Variants in SNX29 observed in about 807,000 individuals in gnomAD.
SNX29 encodes sorting nexin-29.
A neutral mutation model predicts 102.1 loss-of-function variants in SNX29; 78 were observed. The observed-to-expected ratio is 0.76, with a 90% CI of 0.64 to 0.92. SNX29 has a LOEUF of 0.92. SNX29 is among the 40% of genes least tolerant of loss of function. SNX29 has a pLI of 0.00. For synonymous variants in SNX29, 580 were observed against 414.5 expected, an observed-to-expected ratio of 1.40 and a Z score of -4.85; for missense variants, 1,280 against 1,061.7, an observed-to-expected ratio of 1.21 and a Z score of -2.86.
chr16:12,473,251 G>T (rs1310242763), intron 18 of SNX29, among the ~76,000 whole-genome samples: 1 of 152,208 alleles, frequency 6.6e-6, no homozygotes, highest in Non-Finnish European at 1.5e-5. Flanking sequence ...GATGTTTGAA[G>T]CACTGTTGTT....
intron 13 of SNX29, among the ~76,000 whole-genome samples, chr16:12,182,933 CAAAAAAAA>C (rs575698544): frequency 2.2e-5 from 1 of 46,438 alleles, no homozygotes; most frequent in African/African-American, 8.5e-5. Context: ...GACTCTGTCT[CAAAAAAAA>C]AAAAAAAAAA....
chr16:12,196,632 T>G (rs1445990626), intron 13 of SNX29, among the ~76,000 whole-genome samples: 1 of 149,610 alleles, frequency 6.7e-6, no homozygotes, highest in Non-Finnish European at 1.5e-5. Flanking sequence ...CTTTTTTTTT[T>G]TTTTTTGGAG....
At chr16:12,178,810 G>C (rs766050664) in intron 13 of SNX29, among the ~76,000 whole-genome samples, 2 of 152,212 alleles carry the variant, frequency 1.3e-5, no homozygotes, top group Non-Finnish European at 2.9e-5. Flanking sequence ...CTTGGAAGGA[G>C]CATATTTGAC....
intron 13 of SNX29, among the ~76,000 whole-genome samples, chr16:12,167,410 T>C (rs1199019700): frequency 1.2e-4 from 18 of 152,172 alleles, no homozygotes; most frequent in Non-Finnish European, 1.5e-5. Flanking sequence ...GGTAGAGCTC[T>C]TGATATTTCT....
intron 15 of SNX29, among the ~76,000 whole-genome samples, chr16:12,346,768 TTTCTGTGGA>T (rs1051525194): frequency 1.6e-4 from 25 of 152,188 alleles, no homozygotes; most frequent in Non-Finnish European, 3.1e-4. Flanking sequence ...AACATGGTCA[TTTCTGTGGA>T]TTCTGCCTTG....
intron 16 of SNX29, chr16:12,373,616 A>C (rs541644656): frequency 6.6e-6 from 1 of 152,258 alleles, no homozygotes; most frequent in East Asian, 1.9e-4. Context: ...CTTGGCATAG[A>C]GTTGTTTATT....
intron 14 of SNX29, among the ~76,000 whole-genome samples, chr16:12,201,336 C>T (rs745970455): frequency 6.6e-6 from 1 of 152,186 alleles, no homozygotes; most frequent in South Asian, 2.1e-4. Flanking sequence ...TTTAGTCATT[C>T]ACTACATTCA....
intron 19 of SNX29, among the ~76,000 whole-genome samples, chr16:12,521,875 C>G (rs754752122): frequency 6.6e-6 from 1 of 152,196 alleles, no homozygotes; most frequent in Non-Finnish European, 1.5e-5. Flanking sequence ...CTCTCATTCG[C>G]ACATAGCCCG....
chr16:12,311,171 G>T (rs2080528841), intron 15 of SNX29, among the ~76,000 whole-genome samples: 2 of 152,176 alleles, frequency 1.3e-5, no homozygotes, highest in South Asian at 4.1e-4. Context: ...ACCCTGTTGG[G>T]AACTTCAGGG....
chr16:12,062,733 C>G (rs1167873071), intron 9 of SNX29, among the ~76,000 whole-genome samples: 4 of 152,192 alleles, frequency 2.6e-5, no homozygotes, highest in Non-Finnish European at 5.9e-5. Flanking sequence ...CTGGAGCCCA[C>G]TAATCACTCA....
intron 7 of SNX29, among the ~76,000 whole-genome samples, chr16:12,049,395 T>G (rs2050215458): frequency 6.6e-6 from 1 of 151,890 alleles, no homozygotes; most frequent in Admixed American, 6.6e-5. Flanking sequence ...TGCAGTGGCA[T>G]GATCTCAGCT....
intron 3 of SNX29, among the ~76,000 whole-genome samples, chr16:12,018,596 AAG>A (rs1298887561): frequency 6.6e-6 from 1 of 151,820 alleles, no homozygotes; most frequent in East Asian, 1.9e-4. Flanking sequence ...AAAAAAAAAA[AAG>A]AAAGATATAT....
intron 15 of SNX29, among the ~76,000 whole-genome samples, chr16:12,329,084 C>G (rs1427755890): frequency 6.6e-6 from 1 of 151,848 alleles, no homozygotes; most frequent in Non-Finnish European, 1.5e-5. Context: ...CCAGCTTAGG[C>G]AACATCAGGA....
chr16:12,081,706 GAAAAGAA>G lies in SNX29; in HGVS notation c.1402+2796_1402+2802del, dbSNP rs1348675669. The G allele has an allele frequency of 4.0e-3, 559 of 139,722 alleles. 7 individuals carry two copies. The highest frequency in any genetic ancestry group is 0.011 in the Middle Eastern group (3 of 270). The allele number at this position is 139,722 out of a possible 1,614,324, so 8.7% of individuals were successfully genotyped here. On this transcript the variant is annotated intron_variant, in intron 11 of 20. Coordinates refer to ENST00000566228, the MANE Select transcript of SNX29 (RefSeq NM_032167.5). ...AAAAAAAAAAAAAAAGAAAAGAAAA[GAAAAGAA>G]AAAAAAAGCTAAAATAAAAATTTCG...
At chr16:12,377,809 G>A (rs1161375722) in intron 16 of SNX29, among the ~76,000 whole-genome samples, 5 of 152,168 alleles carry the variant, frequency 3.3e-5, no homozygotes, top group Admixed American at 6.6e-5. Context: ...TGTAGGTACC[G>A]TGCTTTGAAC....
At chr16:12,562,702 A>C (rs773583127) in intron 20 of SNX29, among the ~76,000 whole-genome samples, 2 of 152,136 alleles carry the variant, frequency 1.3e-5, no homozygotes, top group Non-Finnish European at 2.9e-5. Flanking sequence ...TGGAGTCGAG[A>C]TTGAAGCCTA....
chr16:12,060,145 A>C (rs77488981), intron 8 of SNX29, among the ~76,000 whole-genome samples: 1 of 107,142 alleles, frequency 9.3e-6, no homozygotes, highest in African/African-American at 2.7e-5. Flanking sequence ...AAATATTACC[A>C]AAAAAAAACC....
At chr16:12,234,246 G>T (rs144659166) in intron 14 of SNX29, among the ~76,000 whole-genome samples, 2 of 152,300 alleles carry the variant, frequency 1.3e-5, no homozygotes, top group African/African-American at 4.8e-5. Flanking sequence ...TCGAGTGGAT[G>T]TGAAGTGGCA....
At chr16:12,145,902 C>T (rs754613895) in intron 13 of SNX29, among the ~76,000 whole-genome samples, 21 of 152,160 alleles carry the variant, frequency 1.4e-4, no homozygotes, top group Non-Finnish European at 1.2e-4. Flanking sequence ...AAACCTATTC[C>T]GCCTTTTAAA....
Sources: allele counts gnomAD v4.1 joint callset (sites outside exome capture counted in the v4.1 genomes callset), GRCh38; gene constraint gnomAD v4.1.1; transcripts MANE v1.5; gene names NCBI Gene and HGNC (gene_info 2026-07-23, HGNC 2026-07-21).